Variants in MAPKAPK5 observed in about 807,000 individuals in gnomAD.
MAPKAPK5 encodes MAPK activated protein kinase 5.
MAPKAPK5 carries 30 observed loss-of-function variants against 65.1 expected under a neutral mutation model. The observed-to-expected ratio is 0.46, with a 90% confidence interval of 0.34 to 0.63. The LOEUF is 0.63. Among genes scored for constraint, MAPKAPK5 ranks in the 20% least tolerant of loss-of-function variants. MAPKAPK5 has a pLI of 0.01. For synonymous variants in MAPKAPK5, 179 were observed against 204.6 expected, an observed-to-expected ratio of 0.87 and a Z score of 1.07; for missense variants, 433 against 581.4, an observed-to-expected ratio of 0.74 and a Z score of 2.63.
chr12:111,853,063 T>C (rs1337355821), intron 1 of MAPKAPK5, among the ~76,000 whole-genome samples: 2 of 152,130 alleles, frequency 1.3e-5, no homozygotes, highest in South Asian at 2.1e-4. Context: ...CATGAGCCAC[T>C]GTGTCCAGCC....
intron 7 of MAPKAPK5, among the ~76,000 whole-genome samples, chr12:111,872,206 C>T (rs1486519879): frequency 6.6e-6 from 1 of 152,178 alleles, no homozygotes; most frequent in Non-Finnish European, 1.5e-5. Context: ...AATGGCTATA[C>T]CATTTTATGC....
chr12:111,843,219 C>T (rs2068785874), intron 1 of MAPKAPK5: 1 of 398,634 alleles, frequency 2.5e-6, no homozygotes, highest in South Asian at 1.3e-4. Context: ...AAAGGTGGTT[C>T]GCCGTACAAA....
intron 1 of MAPKAPK5, among the ~76,000 whole-genome samples, chr12:111,857,614 C>A (rs560649864): frequency 6.6e-6 from 1 of 152,278 alleles, no homozygotes; most frequent in Admixed American, 6.5e-5. Flanking sequence ...TTTGGTAGTT[C>A]TTGTAGGCCA....
chr12:111,886,866 A>G (rs2070420536), intron 10 of MAPKAPK5, among the ~76,000 whole-genome samples: 1 of 152,152 alleles, frequency 6.6e-6, no homozygotes, highest in Non-Finnish European at 1.5e-5. Flanking sequence ...AGTAATCTAG[A>G]AGTCGGAGGT....
rs775998589 is a variant in MAPKAPK5, at chr12:111,893,042, C to T, written c.1397C>T (p.Thr466Met). 1.6e-5 allele frequency: 25 copies of T among 1,576,912 alleles called. No individual in the cohort carries two copies. Among genetic ancestry groups the T allele is most frequent in the Admixed American group, 9.1e-5 (5 of 54,912 alleles). The change falls in exon 14 of 14, where the codon ACG becomes ATG. Residue 466 changes from threonine to methionine, a missense_variant. Physicochemically the swap from Thr to Met is moderately conservative, Grantham distance 81. Coordinates refer to ENST00000550735, the MANE Select transcript of MAPKAPK5 (RefSeq NM_003668.4). ...AAGCAGGTGATAGAAGAGCAAACCA[C>T]GTCCCACGAATCCCAATAATGACAG... ...IVKQVIEEQTTSHESQ is the reference protein window; with the variant it reads ...IVKQVIEEQTMSHESQ
At chr12:111,890,019 C>A (rs1307501002) in intron 12 of MAPKAPK5, 21 bp from the exon 13 acceptor site, 1 of 1,499,266 alleles carries the variant, frequency 6.7e-7, no homozygotes, top group Non-Finnish European at 9.1e-7. Flanking sequence ...AATGCAAATT[C>A]CTCTTCATCC....
At chr12:111,859,530 C>T (rs1296490006) in intron 1 of MAPKAPK5, among the ~76,000 whole-genome samples, 1 of 152,216 alleles carries the variant, frequency 6.6e-6, no homozygotes, top group African/African-American at 2.4e-5. Flanking sequence ...CTCCCAAGTG[C>T]TGGGATTATA....
chr12:111,880,857 T>C (rs1444071748), intron 8 of MAPKAPK5, among the ~76,000 whole-genome samples: 1 of 152,204 alleles, frequency 6.6e-6, no homozygotes. Context: ...ACTGTCCATA[T>C]GGTCCACTGG....
At chr12:111,869,187 C>G (rs563639218) in intron 5 of MAPKAPK5, among the ~76,000 whole-genome samples, 3 of 152,246 alleles carry the variant, frequency 2.0e-5, no homozygotes, top group African/African-American at 7.2e-5. Context: ...TGTTATTGGA[C>G]TTTGCAATAA....
intron 7 of MAPKAPK5, 124 bp from the exon 8 acceptor site, chr12:111,880,323 G>A: frequency 1.3e-6 from 1 of 775,118 alleles, no homozygotes; most frequent in South Asian, 1.5e-5. Flanking sequence ...TTTATGTGGA[G>A]TTTTTTTTCG....
chr12:111,873,567 T>C (rs756311661), intron 7 of MAPKAPK5, among the ~76,000 whole-genome samples: 4 of 152,074 alleles, frequency 2.6e-5, no homozygotes, highest in Non-Finnish European at 5.9e-5. Context: ...ATGGTCTTGA[T>C]CTCTTGACCT....
chr12:111,858,168 G>A (rs2069307435), intron 1 of MAPKAPK5, among the ~76,000 whole-genome samples: 1 of 152,136 alleles, frequency 6.6e-6, no homozygotes, highest in Admixed American at 6.5e-5. Context: ...GCCTCCCAAA[G>A]TGCTGGGATT....
At position 111,847,344 on chromosome 12, in the gene MAPKAPK5, C is replaced by CA. The variant is rs58150812; in HGVS notation, c.36+4592dup. Among the ~76,000 whole-genome samples the CA allele has an allele frequency of 5.0e-3, 518 of 103,180 alleles. 2 individuals carry two copies. The highest frequency in any genetic ancestry group is 8.3e-3 in the South Asian group (28 of 3,374). The allele number at this position is 103,180 out of a possible 152,430, so 67.7% of individuals were successfully genotyped here. A position where few individuals can be genotyped will look rare whatever the true frequency, so the allele number is the denominator to read the frequency against. ...GCCTGGGCGACAGGGTGAGACTCTG[C>CA]AAAAAAAAAAAAAAAAATTTAGGAT... On this transcript the variant is annotated intron_variant, in intron 1 of 13. Transcript: ENST00000550735.
intron 1 of MAPKAPK5, among the ~76,000 whole-genome samples, chr12:111,847,638 C>T (rs1331063363): frequency 6.6e-6 from 1 of 151,824 alleles, no homozygotes; most frequent in Non-Finnish European, 1.5e-5. Flanking sequence ...TAAAAATACC[C>T]CCAATATAAA....
chr12:111,844,189 T>G (rs1410812232), intron 1 of MAPKAPK5, among the ~76,000 whole-genome samples: 6 of 151,178 alleles, frequency 4.0e-5, no homozygotes, highest in African/African-American at 1.5e-4. Flanking sequence ...TCTTTTGTTT[T>G]GGGTTTTGTT....
chr12:111,890,179 G>T (rs968307407), intron 13 of MAPKAPK5, 35 bp downstream of exon 13: 3 of 1,405,006 alleles, frequency 2.1e-6, no homozygotes, highest in Non-Finnish European at 3.0e-6. Context: ...CCCCAGGAAT[G>T]CAGACAAGTG....
intron 10 of MAPKAPK5, among the ~76,000 whole-genome samples, chr12:111,886,684 A>C (rs1382052695): frequency 6.6e-6 from 1 of 152,266 alleles, no homozygotes; most frequent in Non-Finnish European, 1.5e-5. Flanking sequence ...TGGGAAGTTA[A>C]TGAGATGGGT....
At chr12:111,853,200 C>G (rs1050097423) in intron 1 of MAPKAPK5, among the ~76,000 whole-genome samples, 5 of 150,922 alleles carry the variant, frequency 3.3e-5, no homozygotes, top group Non-Finnish European at 5.9e-5. Flanking sequence ...CCCCTCTCTA[C>G]TAAAAAAAAA....
At chr12:111,871,016 A>G in intron 6 of MAPKAPK5, 69 bp from the exon 7 acceptor site, 1 of 1,168,894 alleles carries the variant, frequency 8.6e-7, no homozygotes, top group Non-Finnish European at 1.3e-6. Context: ...AACATGTCTT[A>G]CACCTGGATT....
Sources: allele counts gnomAD v4.1 joint callset (sites outside exome capture counted in the v4.1 genomes callset), GRCh38; gene constraint gnomAD v4.1.1; transcripts MANE v1.5; gene names NCBI Gene and HGNC (gene_info 2026-07-23, HGNC 2026-07-21).